The following ADAMTSL1 variants were observed in gnomAD, a reference collection of about 807,000 sequenced individuals.
ADAMTSL1 encodes the protein ADAMTS like 1, also known as ADAMTS-like protein 1.
A neutral mutation model predicts 201.8 loss-of-function variants in ADAMTSL1; 126 were observed. That is an observed-to-expected ratio of 0.62 (90% CI 0.54 to 0.72). The LOEUF (loss-of-function observed/expected upper bound fraction) is 0.72. Ranked by LOEUF, ADAMTSL1 falls within the 30% of genes least tolerant of loss-of-function variation. The pLI, the probability that ADAMTSL1 is intolerant of heterozygous loss-of-function variation, is 0.00. For synonymous variants in ADAMTSL1, 1,121 were observed against 903.4 expected (o/e 1.24, Z -4.32); for missense variants, 2,679 against 2,277.8 (o/e 1.18, Z -3.59).
At chr9:18,771,812 C>T (rs753795161) in intron 17 of ADAMTSL1, among the ~76,000 whole-genome samples, 2 of 141,518 alleles carry the variant, frequency 1.4e-5, no homozygotes, top group Admixed American at 8.0e-5. Flanking sequence ...GAGGGCAAAG[C>T]GGCCTGTGAA....
At chr9:18,869,422 A>G (rs1251255690) in intron 23 of ADAMTSL1, among the ~76,000 whole-genome samples, 1 of 152,230 alleles carries the variant, frequency 6.6e-6, no homozygotes, top group Non-Finnish European at 1.5e-5. Context: ...TCTTCCAGGG[A>G]TCACAGTCCT....
intron 2 of ADAMTSL1, among the ~76,000 whole-genome samples, chr9:18,391,791 C>T (rs1012682763): frequency 3.3e-5 from 5 of 149,412 alleles, no homozygotes; most frequent in African/African-American, 9.8e-5. Context: ...TGTTTAAGTC[C>T]TGAATCAACT....
chr9:18,142,173 T>C (rs1441005231), intron 1 of ADAMTSL1, among the ~76,000 whole-genome samples: 1 of 152,218 alleles, frequency 6.6e-6, no homozygotes, highest in East Asian at 1.9e-4. Context: ...GCCTGCGGTA[T>C]CTTCTACCAT....
chr9:18,679,666 G>T (rs1830332032), intron 10 of ADAMTSL1, among the ~76,000 whole-genome samples: 1 of 152,112 alleles, frequency 6.6e-6, no homozygotes, highest in African/African-American at 2.4e-5. Context: ...TCCCTCAACA[G>T]TTAGGGAATA....
chr9:17,971,395 C>T (rs1199087529), intron 1 of ADAMTSL1, among the ~76,000 whole-genome samples: 4 of 152,094 alleles, frequency 2.6e-5, no homozygotes, highest in East Asian at 3.9e-4. Flanking sequence ...TCTCCAAGTG[C>T]CTAAAAACTA....
At chr9:17,981,336 C>A (rs149735423) in intron 1 of ADAMTSL1, among the ~76,000 whole-genome samples, 1 of 152,322 alleles carries the variant, frequency 6.6e-6, no homozygotes, top group Non-Finnish European at 1.5e-5. Context: ...GAACAGTCAC[C>A]TTTTATGATT....
Position 18,161,245 on chromosome 9 carries a change from T to C in ADAMTSL1, c.88-2617T>C, listed in dbSNP as rs146684914. Among the ~76,000 whole-genome samples the C allele has an allele frequency of 2.4e-3, 368 of 152,176 alleles. 1 individual carries two copies. Among genetic ancestry groups the C allele is most frequent in the African/African-American group, 8.4e-3 (351 of 41,564 alleles). On this transcript the variant is annotated intron_variant, in intron 1 of 29. Transcript: ENST00000680146. ...GAGTGTTCAGCCTTTATATTTGATG[T>C]CTTACTACCTCTTTTGGAGGATATT...
At chr9:17,916,127 G>T (rs1826083315) in intron 1 of ADAMTSL1, among the ~76,000 whole-genome samples, 1 of 152,146 alleles carries the variant, frequency 6.6e-6, no homozygotes, top group Admixed American at 6.5e-5. Flanking sequence ...TGCCATGCTG[G>T]CCAGACTGGT....
chr9:18,623,278 C>T (rs1387622140), intron 5 of ADAMTSL1, among the ~76,000 whole-genome samples: 1 of 151,764 alleles, frequency 6.6e-6, no homozygotes, highest in Non-Finnish European at 1.5e-5. Flanking sequence ...TAGACATGTA[C>T]TTGCTGAGAA....
At chr9:17,966,651 C>T (rs552915081) in intron 1 of ADAMTSL1, among the ~76,000 whole-genome samples, 1 of 152,252 alleles carries the variant, frequency 6.6e-6, no homozygotes, top group East Asian at 1.9e-4. Context: ...TCCCCTTCAT[C>T]TCTTTATTTC....
At chr9:18,869,673 G>A (rs1046782117) in intron 23 of ADAMTSL1, among the ~76,000 whole-genome samples, 1 of 152,120 alleles carries the variant, frequency 6.6e-6, no homozygotes, top group Non-Finnish European at 1.5e-5. Flanking sequence ...TTTCCTATAA[G>A]AGGTCAACCA....
chr9:18,340,180 T>C (rs1835413454), intron 2 of ADAMTSL1, among the ~76,000 whole-genome samples: 1 of 152,210 alleles, frequency 6.6e-6, no homozygotes, highest in Non-Finnish European at 1.5e-5. Flanking sequence ...TTATTCTGTC[T>C]GGTTGTTTCT....
At chr9:18,573,922 A>G in intron 3 of ADAMTSL1, 108 bp from the exon 4 acceptor site, 1 of 780,654 alleles carries the variant, frequency 1.3e-6, no homozygotes, top group Non-Finnish European at 2.1e-6. Context: ...CATGACCAGG[A>G]CATTTGTTTT....
At chr9:17,913,078 A>C (rs191482910) in intron 1 of ADAMTSL1, among the ~76,000 whole-genome samples, 3,009 of 152,140 alleles carry the variant, frequency 0.02, 104 homozygotes, top group African/African-American at 0.069. Context: ...TACCAGTACC[A>C]TGCTGTTTTG....
chr9:18,886,209 T>TATATAC (rs1828875222), intron 23 of ADAMTSL1, among the ~76,000 whole-genome samples: 1 of 118,048 alleles, frequency 8.5e-6, no homozygotes, highest in Non-Finnish European at 1.7e-5. Context: ...TATATATATA[T>TATATAC]ATACACACAC....
intron 2 of ADAMTSL1, among the ~76,000 whole-genome samples, chr9:18,171,670 G>A (rs912976612): frequency 5.9e-5 from 9 of 152,116 alleles, no homozygotes; most frequent in African/African-American, 2.2e-4. Flanking sequence ...CTGTGCAGAA[G>A]CTCTTCAGTT....
At chr9:18,638,004 G>A (rs1422653847) in intron 6 of ADAMTSL1, among the ~76,000 whole-genome samples, 2 of 152,084 alleles carry the variant, frequency 1.3e-5, no homozygotes, top group African/African-American at 4.8e-5. Context: ...AATGAAGGCT[G>A]GAGGAAGGAG....
intron 1 of ADAMTSL1, among the ~76,000 whole-genome samples, chr9:18,137,340 A>G (rs1826202701): frequency 6.6e-6 from 1 of 152,218 alleles, no homozygotes; most frequent in Non-Finnish European, 1.5e-5. Flanking sequence ...CATAGAAAGA[A>G]GTGTTTCTTT....
chr9:18,764,050 A>T (rs1820226546), intron 16 of ADAMTSL1, among the ~76,000 whole-genome samples: 1 of 152,250 alleles, frequency 6.6e-6, no homozygotes. Flanking sequence ...TGACATTTTG[A>T]CAGGGATTGC....
Sources: allele counts gnomAD v4.1 joint callset (sites outside exome capture counted in the v4.1 genomes callset), GRCh38; gene constraint gnomAD v4.1.1; transcripts MANE v1.5; gene names NCBI Gene and HGNC (gene_info 2026-07-23, HGNC 2026-07-21).